The following ARID3B variants were observed in gnomAD, a reference collection of about 807,000 sequenced individuals.
The protein encoded by ARID3B is AT-rich interactive domain-containing protein 3B.
A neutral mutation model predicts 51.9 loss-of-function variants in ARID3B; 10 were observed. The observed-to-expected ratio is 0.19, with a 90% CI of 0.12 to 0.33. The LOEUF is 0.33. Ranked by LOEUF, ARID3B falls within the 10% of genes least tolerant of loss-of-function variation. The probability of loss-of-function intolerance (pLI) is 1.00; values close to 1 mark genes in which losing one functional copy is unlikely to be tolerated. For synonymous variants in ARID3B, 205 were observed against 279.5 expected (o/e 0.73, Z 2.66); for missense variants, 483 against 716.3 (o/e 0.67, Z 3.72).
chr15:74,547,488 C>G (rs1349990413), intron 2 of ARID3B, among the ~76,000 whole-genome samples: 1 of 152,142 alleles, frequency 6.6e-6, no homozygotes, highest in Non-Finnish European at 1.5e-5. Flanking sequence ...TACCCTGACA[C>G]AGATCTTATT....
At chr15:74,564,737 A>C (rs1010956320) in intron 2 of ARID3B, among the ~76,000 whole-genome samples, 2 of 152,078 alleles carry the variant, frequency 1.3e-5, no homozygotes, top group Non-Finnish European at 2.9e-5. Context: ...AGTAGCTTGG[A>C]CTACAGGCAC....
chr15:74,564,238 C>A (rs2061690053), intron 2 of ARID3B, among the ~76,000 whole-genome samples: 1 of 152,196 alleles, frequency 6.6e-6, no homozygotes, highest in African/African-American at 2.4e-5. Context: ...GGCTCCCCTC[C>A]CCTCTTAGGA....
At chr15:74,542,945 C>G (rs886254331) in intron 1 of ARID3B, among the ~76,000 whole-genome samples, 1 of 151,798 alleles carries the variant, frequency 6.6e-6, no homozygotes, top group African/African-American at 2.4e-5. Context: ...GCTTTTGGCC[C>G]GAAAGACTTT....
At chr15:74,560,480 ACTCTG>A (rs1442209520) in intron 2 of ARID3B, among the ~76,000 whole-genome samples, 1 of 152,074 alleles carries the variant, frequency 6.6e-6, no homozygotes, top group African/African-American at 2.4e-5. Context: ...TTGCTTTTGT[ACTCTG>A]CTCTGGCAGT....
At position 74,591,908 on chromosome 15, in the gene ARID3B, T is replaced by C; in HGVS notation, c.1420+94T>C. The stretch of plus-strand genomic sequence containing the variant: ...GGTGGGGCAGGGGTGGTGAGGCACA[T>C]ACTCCTGACCTGGAAGAGGCCCCTC... On this transcript the variant is annotated intron_variant, in intron 7 of 8. Transcript: ENST00000346246. This position sits in a 1 kb window ranked among gnomAD's most constrained non-coding sequence, Gnocchi z 5.8. The C allele has an allele frequency of 6.5e-7, 1 of 1,535,664 alleles. No individual in the cohort carries two copies. The highest frequency in any genetic ancestry group is 8.8e-7 in the Non-Finnish European group (1 of 1,136,604).
At chr15:74,594,561 G>A (rs2061816971) in intron 8 of ARID3B, among the ~76,000 whole-genome samples, 1 of 152,254 alleles carries the variant, frequency 6.6e-6, no homozygotes, top group Non-Finnish European at 1.5e-5. Context: ...GCCTGGCAAG[G>A]TGTCTCGTGG....
chr15:74,584,227 T>C (rs2061771969), intron 4 of ARID3B, among the ~76,000 whole-genome samples: 1 of 152,208 alleles, frequency 6.6e-6, no homozygotes, highest in Non-Finnish European at 1.5e-5. Flanking sequence ...ATATTCTCTA[T>C]ATGAACAAGT....
chr15:74,573,414 C>T (rs902008359), intron 4 of ARID3B: 4 of 588,898 alleles, frequency 6.8e-6, no homozygotes, highest in Non-Finnish European at 1.2e-5. Flanking sequence ...ATGGAATGAT[C>T]GTCCACTTTT....
At chr15:74,543,085 G>A (rs1161603783) in intron 1 of ARID3B, among the ~76,000 whole-genome samples, 1 of 152,202 alleles carries the variant, frequency 6.6e-6, no homozygotes, top group African/African-American at 2.4e-5. Context: ...GTTGATATCT[G>A]TTTCAAATTA....
At chr15:74,542,180 G>A (rs2061597807) in intron 1 of ARID3B, among the ~76,000 whole-genome samples, 1 of 152,162 alleles carries the variant, frequency 6.6e-6, no homozygotes, top group Non-Finnish European at 1.5e-5. Flanking sequence ...TGACTATGAG[G>A]ACATTTAAAA....
rs148901911 is a variant in ARID3B, at chr15:74,583,302, A to C, written c.698-6518A>C. ...CACAGAATATATACTATGTGAGTCCATTTATATAAAGTTCAAAAAAATATA... is the reference window on the plus strand; with the variant it reads ...CACAGAATATATACTATGTGAGTCCCTTTATATAAAGTTCAAAAAAATATA... On this transcript the variant is annotated intron_variant, in intron 4 of 8. Transcript: ENST00000346246. 6.2e-3 allele frequency among the ~76,000 whole-genome samples: 938 copies of C among 152,288 alleles called. 5 individuals carry two copies. Among genetic ancestry groups the C allele is most frequent in the African/African-American group, 0.022 (911 of 41,552 alleles).
chr15:74,551,653 A>G (rs1191275800), intron 2 of ARID3B, among the ~76,000 whole-genome samples: 1 of 152,204 alleles, frequency 6.6e-6, no homozygotes, highest in Non-Finnish European at 1.5e-5. Flanking sequence ...GCAAACAACA[A>G]CAAAAACCTT....
At position 74,560,031 on chromosome 15, in the gene ARID3B, T is replaced by TAAAAA. The variant is rs71137394; in HGVS notation, c.553-12825_553-12821dup. Among the ~76,000 whole-genome samples, 134 of 35,626 alleles carry TAAAAA rather than the reference T, an allele frequency of 3.8e-3. 29 individuals carry two copies. In the South Asian group the frequency reaches 0.039, roughly 10 times the overall value. 23.4% of individuals were successfully genotyped at this position (35,626 alleles called of 152,430 possible). On this transcript the variant is annotated intron_variant, in intron 2 of 8. Coordinates refer to ENST00000346246, the MANE Select transcript of ARID3B (RefSeq NM_006465.4). Reference sequence around the variant, plus strand: ...CAACATGGCGAAACCCTGTCTCTACTAAAAAAAAAACCACACACACAAAAA... The same window carrying TAAAAA: ...CAACATGGCGAAACCCTGTCTCTACTAAAAAAAAAAAAAAACCACACACACAAAAA...
chr15:74,581,822 T>C (rs2061762818), intron 4 of ARID3B, among the ~76,000 whole-genome samples: 1 of 152,246 alleles, frequency 6.6e-6, no homozygotes, highest in South Asian at 2.1e-4. Flanking sequence ...AATTGAGTTA[T>C]TTGATAGTTT....
At chr15:74,547,599 C>T (rs899078244) in intron 2 of ARID3B, among the ~76,000 whole-genome samples, 5 of 152,198 alleles carry the variant, frequency 3.3e-5, no homozygotes, top group Admixed American at 3.3e-4. Context: ...GCATGTTTCT[C>T]TCTCAGGGAG....
Position 74,595,795 on chromosome 15 carries a change from A to T in ARID3B, c.*21A>T. On this transcript the variant is annotated 3_prime_UTR_variant, in exon 9 of 9. Transcript: ENST00000346246. ...TCTGATGGGCAGGACCCAGCTTCCC[A>T]CTTGCCACTCTCCTGTCGAGAGTGA... 1 of 1,599,220 alleles carries T rather than the reference A, an allele frequency of 6.3e-7. No individual in the cohort carries two copies. Among genetic ancestry groups the T allele is most frequent in the South Asian group, 1.1e-5 (1 of 89,742 alleles).
Position 74,596,560 on chromosome 15 carries a change from C to G in ARID3B, c.*786C>G, listed in dbSNP as rs968423799. The G allele has an allele frequency of 1.3e-5, 3 of 233,502 alleles. No homozygotes were observed. The highest frequency in any genetic ancestry group is 6.6e-5 in the African/African-American group (3 of 45,330). 14.5% of individuals were successfully genotyped at this position (233,502 alleles called of 1,614,324 possible). A position where few individuals can be genotyped will look rare whatever the true frequency, so the allele number is the denominator to read the frequency against. ...TATTGGCCTGCTTTCCCAAAAACAGCCCACTCATCCTTTCCCCAGCCCTCT... is the reference window on the plus strand; with the variant it reads ...TATTGGCCTGCTTTCCCAAAAACAGGCCACTCATCCTTTCCCCAGCCCTCT... On this transcript the variant is annotated 3_prime_UTR_variant, in exon 9 of 9. Transcript: ENST00000346246.
At position 74,591,397 on chromosome 15, in the gene ARID3B, T is replaced by C. The variant is rs764032923; in HGVS notation, c.1128T>C (p.Ser376=). The C allele has an allele frequency of 6.2e-7, 1 of 1,610,122 alleles. No individual in the cohort carries two copies. The highest frequency in any genetic ancestry group is 1.1e-5 in the South Asian group (1 of 91,024). Residue 376 remains serine, a synonymous_variant, in exon 6 of 9, where the codon AGT becomes AGC. Coordinates refer to ENST00000346246, the MANE Select transcript of ARID3B (RefSeq NM_006465.4). This position sits in a 1 kb window ranked among gnomAD's most constrained non-coding sequence, Gnocchi z 5.8. ...GLGSSSGTNT[S]SPRISPATTL... ...GCTCCAGCAGTGGTACCAATACCAG[T>C]AGCCCTCGGATATCCCCAGCAACCA...
intron 7 of ARID3B, 52 bp from the exon 8 acceptor site, chr15:74,593,086 A>C (rs539364779): frequency 1.2e-4 from 181 of 1,548,038 alleles, no homozygotes; most frequent in Non-Finnish European, 1.4e-4. Context: ...AGAGGACAAC[A>C]GGAGTGCTGT....
Sources: gnomAD v4.1 joint callset for allele counts (sites outside exome capture counted in the v4.1 genomes callset) on GRCh38, gnomAD v4.1.1 for gene constraint, Gnocchi (gnomAD v3.1) non-coding constraint, MANE v1.5 for transcripts, NCBI Gene and HGNC (gene_info 2026-07-23, HGNC 2026-07-21) for gene names.